DENND5B: variants seen among roughly 807,000 people sequenced by gnomAD.
The protein encoded by DENND5B is DENN domain-containing protein 5B.
Under a neutral mutation model 140.6 loss-of-function variants are expected in DENND5B, and 34 were observed. The ratio of observed to expected loss-of-function variants is 0.24; its 90% CI spans 0.18 to 0.32. The LOEUF (loss-of-function observed/expected upper bound fraction) is 0.32. DENND5B is among the 10% of genes least tolerant of loss of function. The probability of loss-of-function intolerance (pLI) is 1.00; values close to 1 mark genes in which losing one functional copy is unlikely to be tolerated. For missense variants in DENND5B, 1,142 were observed against 1,560.2 expected (o/e 0.73, Z 4.52); for synonymous variants, 551 against 562.1 (o/e 0.98, Z 0.28).
chr12:31,567,954 C>A (rs888264819), intron 1 of DENND5B, among the ~76,000 whole-genome samples: 1 of 152,208 alleles, frequency 6.6e-6, no homozygotes, highest in East Asian at 1.9e-4. Context: ...ATCCTCCCAC[C>A]TCGGCCTTCC....
intron 1 of DENND5B, among the ~76,000 whole-genome samples, chr12:31,506,002 T>C (rs1947186110): frequency 2.0e-5 from 3 of 152,024 alleles, no homozygotes; most frequent in Admixed American, 2.0e-4. Context: ...GCCTGGCTAA[T>C]TTTTAAAACA....
At position 31,469,325 on chromosome 12, in the gene DENND5B, T is replaced by A. The variant is rs186496249; in HGVS notation, c.905-8944A>T. ...TCCAGCCTGGGTGACAGAGACAGAC[T>A]CCATCTCAAAAAAAAAAAAAAAAGA... On this transcript the variant is annotated intron_variant, in intron 3 of 20. Coordinates refer to ENST00000389082, the MANE Select transcript of DENND5B (RefSeq NM_144973.4). Among the ~76,000 whole-genome samples the A allele has an allele frequency of 1.2e-4, 12 of 99,080 alleles. No homozygotes were observed. The East Asian group carries it at 1.7e-3, about 14-fold the overall frequency. The allele number at this position is 99,080 out of a possible 152,430, so 65.0% of individuals were successfully genotyped here.
chr12:31,479,806 G>A lies in DENND5B; in HGVS notation c.687C>T (p.Ile229=), dbSNP rs1430771383. The A allele has an allele frequency of 6.2e-7, 1 of 1,613,426 alleles. No individual in the cohort carries two copies. Among genetic ancestry groups the A allele is most frequent in the Admixed American group, 1.7e-5 (1 of 59,890 alleles). ...QPPPLPLESY[I]HNILYEVPLP... ...GGGGTACTTCATAAAGAATATTGTG[G>A]ATATAGCTTTCAAGTGGCAAGGGTG... Residue 229 remains isoleucine, a synonymous_variant, in exon 3 of 21, where the codon ATC becomes ATT. Coordinates refer to ENST00000389082, the MANE Select transcript of DENND5B (RefSeq NM_144973.4).
At chr12:31,590,562 C>T (rs1950584546) in intron 1 of DENND5B, 144 bp downstream of exon 1, 3 of 1,035,636 alleles carry the variant, frequency 2.9e-6, no homozygotes, top group African/African-American at 1.7e-5. Context: ...AAATCGCGCC[C>T]GAGCGCCAGT....
At chr12:31,504,948 C>T (rs1947136785) in intron 1 of DENND5B, among the ~76,000 whole-genome samples, 1 of 152,174 alleles carries the variant, frequency 6.6e-6, no homozygotes, top group South Asian at 2.1e-4. Context: ...AAAGTTGAGT[C>T]ACTAAATATC....
intron 12 of DENND5B, 123 bp downstream of exon 12, chr12:31,415,244 C>T (rs1942667960): frequency 1.6e-6 from 1 of 631,384 alleles, no homozygotes; most frequent in Non-Finnish European, 2.6e-6. Flanking sequence ...ATAAAAAATG[C>T]TTTCTTCAGA....
chr12:31,423,300 G>A (rs557373754), intron 11 of DENND5B, among the ~76,000 whole-genome samples: 39 of 152,142 alleles, frequency 2.6e-4, no homozygotes, highest in African/African-American at 9.2e-4. Flanking sequence ...TCCTTGTATG[G>A]CCATTTACAA....
intron 8 of DENND5B, among the ~76,000 whole-genome samples, chr12:31,430,067 G>A (rs1943440093): frequency 6.6e-6 from 1 of 151,878 alleles, no homozygotes; most frequent in South Asian, 2.1e-4. Context: ...CTGCTGCCCA[G>A]GCTGGAGTGC....
chr12:31,563,610 T>C (rs922670926), intron 1 of DENND5B, among the ~76,000 whole-genome samples: 5 of 152,188 alleles, frequency 3.3e-5, no homozygotes, highest in Non-Finnish European at 5.9e-5. Context: ...TTCAGAAACA[T>C]TTTTGAATCC....
chr12:31,451,902 ACTAATAACC>A (rs752720945), intron 5 of DENND5B, 29 bp downstream of exon 5: 1 of 1,603,690 alleles, frequency 6.2e-7, no homozygotes, highest in South Asian at 1.1e-5. Flanking sequence ...TAATAAAGCC[ACTAATAACC>A]ACAAAAGGAA....
chr12:31,397,920 T>C (rs552770321), intron 17 of DENND5B, among the ~76,000 whole-genome samples: 8 of 152,236 alleles, frequency 5.3e-5, no homozygotes, highest in Non-Finnish European at 7.4e-5. Flanking sequence ...TGAAACCTTG[T>C]CTCAAAAAAT....
intron 3 of DENND5B, among the ~76,000 whole-genome samples, chr12:31,469,410 T>C (rs867189763): frequency 2.0e-5 from 3 of 151,872 alleles, no homozygotes; most frequent in African/African-American, 7.3e-5. Flanking sequence ...ATTAAGGTGC[T>C]GGGTAAGTCC....
At chr12:31,556,290 C>T (rs552440994) in intron 1 of DENND5B, among the ~76,000 whole-genome samples, 5 of 152,270 alleles carry the variant, frequency 3.3e-5, no homozygotes, top group South Asian at 4.2e-4. Flanking sequence ...CTGCAACCTC[C>T]GCCTCCTGGG....
intron 1 of DENND5B, among the ~76,000 whole-genome samples, chr12:31,541,291 T>C (rs537636007): frequency 6.6e-6 from 1 of 152,166 alleles, no homozygotes; most frequent in East Asian, 1.9e-4. Flanking sequence ...GAAAATATTT[T>C]GAAACTACCC....
At chr12:31,421,099 A>C (rs1040648900) in intron 11 of DENND5B, among the ~76,000 whole-genome samples, 3 of 152,216 alleles carry the variant, frequency 2.0e-5, no homozygotes, top group African/African-American at 7.2e-5. Context: ...GCTGGAGTAC[A>C]GCGGAGCAGT....
At chr12:31,493,494 G>A (rs1352981184) in intron 2 of DENND5B, among the ~76,000 whole-genome samples, 3 of 152,034 alleles carry the variant, frequency 2.0e-5, no homozygotes, top group Non-Finnish European at 2.9e-5. Flanking sequence ...AGGAGTACAA[G>A]ACCAGCCTGG....
chr12:31,588,077 T>C (rs1403516007), intron 1 of DENND5B, among the ~76,000 whole-genome samples: 2 of 152,156 alleles, frequency 1.3e-5, no homozygotes, highest in South Asian at 2.1e-4. Context: ...TCTTACCTAC[T>C]ACTCTCCCTC....
At chr12:31,452,622 G>C (rs1944585602) in intron 4 of DENND5B, 146 bp from the exon 5 acceptor site, 16 of 800,560 alleles carry the variant, frequency 2.0e-5, no homozygotes, top group Admixed American at 3.4e-5. Flanking sequence ...CCAGGGGTTC[G>C]AGACAAGACT....
chr12:31,540,482 C>T (rs190768770), intron 1 of DENND5B, among the ~76,000 whole-genome samples: 4 of 152,108 alleles, frequency 2.6e-5, no homozygotes, highest in Non-Finnish European at 2.9e-5. Context: ...GGTAAGACAT[C>T]GTCTCTACTA....
Sources: gnomAD v4.1 joint callset for allele counts (sites outside exome capture counted in the v4.1 genomes callset) on GRCh38, gnomAD v4.1.1 for gene constraint, MANE v1.5 for transcripts, NCBI Gene and HGNC (gene_info 2026-07-23, HGNC 2026-07-21) for gene names.